LRRIQ1: variants seen among roughly 807,000 people sequenced by gnomAD.
LRRIQ1 encodes leucine rich repeats and IQ motif containing 1.
LRRIQ1 carries 210 observed loss-of-function variants against 211.9 expected under a neutral mutation model. The ratio of observed to expected loss-of-function variants is 0.99; its 90% CI spans 0.89 to 1.11. The LOEUF (loss-of-function observed/expected upper bound fraction) is 1.11, where lower values mean the gene tolerates loss of function less well. Ranked by LOEUF, LRRIQ1 falls within the 50% of genes most tolerant of loss-of-function variation. The probability of loss-of-function intolerance (pLI) is 0.00; values close to 1 mark genes in which losing one functional copy is unlikely to be tolerated. For missense variants in LRRIQ1, 2,136 were observed against 1,939.5 expected, an observed-to-expected ratio of 1.10 and a Z score of -1.90; for synonymous variants, 699 against 650.1, an observed-to-expected ratio of 1.08 and a Z score of -1.14.
chr12:85,247,897 G>C (rs116436634), downstream of LRRIQ1, among the ~76,000 whole-genome samples: 1,058 of 151,528 alleles, frequency 7.0e-3, 8 homozygotes, highest in African/African-American at 0.024. Context: ...TTCCTTTTAG[G>C]CTTTACTGTT....
At chr12:85,147,722 TTC>T (rs1350912825) in intron 19 of LRRIQ1, among the ~76,000 whole-genome samples, 2 of 151,560 alleles carry the variant, frequency 1.3e-5, no homozygotes, top group Admixed American at 1.3e-4. Context: ...TTTTTTTTTT[TTC>T]ATGAGAAACC....
At chr12:85,212,454 G>A (rs1392473945) in intron 24 of LRRIQ1, among the ~76,000 whole-genome samples, 2 of 152,048 alleles carry the variant, frequency 1.3e-5, no homozygotes, top group Admixed American at 6.6e-5. Context: ...AAAAGTCGCA[G>A]ATGGAAGATC....
intron 18 of LRRIQ1, among the ~76,000 whole-genome samples, chr12:85,133,926 G>A (rs1888948724): frequency 6.6e-6 from 1 of 152,112 alleles, no homozygotes; most frequent in Non-Finnish European, 1.5e-5. Flanking sequence ...TTCACCACTT[G>A]TGAAAAGCTT....
chr12:85,261,455 C>T (rs149655561), intron 1 of LRRIQ1, among the ~76,000 whole-genome samples: 6 of 152,102 alleles, frequency 3.9e-5, no homozygotes, highest in African/African-American at 1.4e-4. Flanking sequence ...GACCAATTTC[C>T]TCAAATGGCC....
chr12:85,057,324 C>A, intron 8 of LRRIQ1, 140 bp downstream of exon 8: 1 of 718,524 alleles, frequency 1.4e-6, no homozygotes, highest in Non-Finnish European at 2.1e-6. Flanking sequence ...GAAATATTAC[C>A]CCATTTGGGA....
chr12:85,048,081 A>G lies in LRRIQ1; in HGVS notation c.678+611A>G, dbSNP rs1186042437. The G allele has an allele frequency of 4.6e-5, 7 of 152,346 alleles. No individual in the cohort carries two copies. In the East Asian group the frequency reaches 1.4e-3, roughly 29 times the overall value. The allele number at this position is 152,346 out of a possible 1,614,324, so 9.4% of individuals were successfully genotyped here. ...GATTTTAGGACACCACTTGCAGGTCATGAGAACCTTAGAATATTTGGATAA... is the reference window on the plus strand; with the variant it reads ...GATTTTAGGACACCACTTGCAGGTCGTGAGAACCTTAGAATATTTGGATAA... On this transcript the variant is annotated intron_variant, in intron 6 of 26. Coordinates refer to ENST00000393217, the MANE Select transcript of LRRIQ1 (RefSeq NM_001079910.2).
intron 24 of LRRIQ1, among the ~76,000 whole-genome samples, chr12:85,218,710 A>G (rs190183758): frequency 1.3e-5 from 2 of 152,092 alleles, no homozygotes; most frequent in African/African-American, 2.4e-5. Flanking sequence ...AGGTAGTGTG[A>G]CAGCCTCATG....
intron 1 of LRRIQ1, among the ~76,000 whole-genome samples, chr12:85,251,092 C>T (rs1007762659): frequency 2.8e-5 from 4 of 144,940 alleles, no homozygotes; most frequent in African/African-American, 7.7e-5. Context: ...TGAAGAACGT[C>T]TTTATGAAAA....
chr12:85,267,765 C>G (rs1055377070), downstream of LRRIQ1, among the ~76,000 whole-genome samples: 2 of 152,018 alleles, frequency 1.3e-5, no homozygotes, highest in African/African-American at 4.8e-5. Context: ...CAATTTTGTT[C>G]TGCTAAGCAC....
Position 85,073,021 on chromosome 12 carries a change from G to T in LRRIQ1, c.2810G>T (p.Cys937Phe), listed in dbSNP as rs759596080. ...CAAGTCTGGATTCCAACTGGATTAT[G>T]TTGGTCCTGGATACCTATTACCTCA... Reference protein sequence around the residue: ...LAQVWIPTGLCWSWIPITSLT... With the variant: ...LAQVWIPTGLFWSWIPITSLT... The change falls in exon 11 of 27, where the codon TGT (cysteine) becomes TTT (phenylalanine). Residue 937 changes from cysteine (C) to phenylalanine (F), a missense_variant. Cys to Phe is a radical substitution (Grantham distance 205). Coordinates refer to ENST00000393217, the MANE Select transcript of LRRIQ1 (RefSeq NM_001079910.2). 6 of 1,612,540 alleles carry T rather than the reference G, an allele frequency of 3.7e-6. No individual in the cohort carries two copies. The highest frequency in any genetic ancestry group is 2.2e-5 in the South Asian group (2 of 90,998).
intron 11 of LRRIQ1, among the ~76,000 whole-genome samples, chr12:85,084,673 C>A (rs1884629361): frequency 6.6e-6 from 1 of 152,058 alleles, no homozygotes; most frequent in Non-Finnish European, 1.5e-5. Context: ...TGCCTGTAAT[C>A]CCAGCACTTT....
chr12:85,197,847 T>G (rs1175812602), intron 24 of LRRIQ1, among the ~76,000 whole-genome samples: 6 of 134,830 alleles, frequency 4.5e-5, no homozygotes, highest in Non-Finnish European at 7.7e-5. Flanking sequence ...AATATTATAT[T>G]TATTATAAAT....
At chr12:85,199,227 AG>A (rs1174324311) in intron 24 of LRRIQ1, among the ~76,000 whole-genome samples, 2 of 151,976 alleles carry the variant, frequency 1.3e-5, no homozygotes, top group African/African-American at 2.4e-5. Flanking sequence ...GTTTTCTTCT[AG>A]GGTTTTTATA....
intron 19 of LRRIQ1, among the ~76,000 whole-genome samples, chr12:85,151,789 C>T (rs565298759): frequency 3.4e-4 from 51 of 151,518 alleles, no homozygotes; most frequent in African/African-American, 1.1e-3. Flanking sequence ...TTGTTTAATT[C>T]ATTGCCACAA....
rs767493817 is a variant in LRRIQ1, at chr12:85,056,884, A to T, written c.2091A>T (p.Val697=). 1.9e-6 allele frequency: 3 copies of T among 1,613,538 alleles called. No individual in the cohort carries two copies. The highest frequency in any genetic ancestry group is 2.5e-6 in the Non-Finnish European group (3 of 1,179,620). ...ACTATAATGCAGAAAGCTCCATGGT[A>T]TCTAAAGAAGTCAACTCTCTTAAAT... The part of the protein sequence containing the change: ...LSNYNAESSM[V]SKEVNSLKSE... Residue 697 remains valine, a synonymous_variant, in exon 8 of 27, where the codon GTA becomes GTT. Transcript: ENST00000393217.
In LRRIQ1 at chr12:85,056,767, T is replaced by C. The variant is rs1881141137; in HGVS notation, c.1974T>C (p.Phe658=). 2 of 1,606,652 alleles carry C rather than the reference T, an allele frequency of 1.2e-6. No homozygotes were observed. The highest frequency in any genetic ancestry group is 4.5e-5 in the East Asian group (2 of 44,826). The change falls in exon 8 of 27, where the codon TTT becomes TTC. Residue 658 remains phenylalanine, a synonymous_variant. Transcript: ENST00000393217. ...DNAWNSGIVI[F]NTTDTMINIE... is the part of the protein sequence containing the mutation. ...CTTGGAATAGTGGCATTGTGATTTT[T>C]AACACAACTGATACCATGATAAATA... is the stretch of plus-strand genomic sequence containing the variant.
At chr12:85,225,241 A>G (rs139358161) in intron 24 of LRRIQ1, among the ~76,000 whole-genome samples, 1 of 152,186 alleles carries the variant, frequency 6.6e-6, no homozygotes, top group Non-Finnish European at 1.5e-5. Flanking sequence ...ATGTTCACAG[A>G]TTATAAGCAA....
chr12:85,165,485 T>C (rs1242357298), intron 24 of LRRIQ1, among the ~76,000 whole-genome samples: 2 of 147,508 alleles, frequency 1.4e-5, no homozygotes, highest in Non-Finnish European at 3.0e-5. Context: ...TTTTTTTTTT[T>C]TTTTTGAGAC....
At chr12:85,089,537 C>CA (rs1215623893) in intron 11 of LRRIQ1, among the ~76,000 whole-genome samples, 1 of 152,090 alleles carries the variant, frequency 6.6e-6, no homozygotes, top group Non-Finnish European at 1.5e-5. Context: ...GGGGAATTGG[C>CA]AAGATTATGT....
Sources: allele counts gnomAD v4.1 joint callset (sites outside exome capture counted in the v4.1 genomes callset), GRCh38; gene constraint gnomAD v4.1.1; transcripts MANE v1.5; gene names NCBI Gene and HGNC (gene_info 2026-07-23, HGNC 2026-07-21).